SLC2A9: variants seen among roughly 807,000 people sequenced by gnomAD.
SLC2A9 encodes solute carrier family 2, facilitated glucose transporter member 9.
In SLC2A9, 39 loss-of-function variants were observed where a neutral mutation model predicts 50.6. The observed-to-expected ratio is 0.77, with a 90% CI of 0.60 to 1.01. The LOEUF is 1.01. Ranked by LOEUF, SLC2A9 falls within the 50% of genes least tolerant of loss-of-function variation. The pLI, the probability that SLC2A9 is intolerant of heterozygous loss-of-function variation, is 0.00. For synonymous variants in SLC2A9, 324 were observed against 276.9 expected (o/e 1.17, Z -1.69); for missense variants, 686 against 677.6 (o/e 1.01, Z -0.14).
chr4:10,008,194 A>G (rs2109400318), intron 2 of SLC2A9, among the ~76,000 whole-genome samples: 1 of 152,328 alleles, frequency 6.6e-6, no homozygotes, highest in Non-Finnish European at 1.5e-5. Flanking sequence ...TGGCTCAACA[A>G]AGGCATTTTT....
intron 11 of SLC2A9, among the ~76,000 whole-genome samples, chr4:9,829,471 C>A (rs930154106): frequency 3.6e-3 from 493 of 135,462 alleles, no homozygotes; most frequent in Non-Finnish European, 4.5e-3. Context: ...ACAAAAATGT[C>A]AAAAAAAAAA....
chr4:9,955,752 A>G (rs760579847), intron 5 of SLC2A9, among the ~76,000 whole-genome samples: 67 of 151,738 alleles, frequency 4.4e-4, no homozygotes, highest in Non-Finnish European at 8.2e-4. Flanking sequence ...GCTGCCGCGG[A>G]CACCTCTGTC....
intron 5 of SLC2A9, among the ~76,000 whole-genome samples, chr4:9,973,859 TAA>T (rs78910612): frequency 1.2e-3 from 170 of 141,124 alleles, no homozygotes; most frequent in African/African-American, 2.7e-3. Context: ...CTTAAAGTAT[TAA>T]AAAAAAAAAA....
At chr4:9,934,083 C>G (rs952011187) in intron 6 of SLC2A9, among the ~76,000 whole-genome samples, 1 of 152,156 alleles carries the variant, frequency 6.6e-6, no homozygotes, top group African/African-American at 2.4e-5. Context: ...ATCATGTAAC[C>G]TAACATATTC....
At position 9,851,273 on chromosome 4, in the gene SLC2A9, T is replaced by C. The variant is rs1469877790; in HGVS notation, c.1292-16265A>G. Among the ~76,000 whole-genome samples the C allele has an allele frequency of 9.2e-5, 14 of 152,098 alleles. 1 individual carries two copies. The highest frequency in any genetic ancestry group is 2.1e-4 in the Non-Finnish European group (14 of 68,016). On this transcript the variant is annotated intron_variant, in intron 10 of 11. Coordinates refer to ENST00000264784, the MANE Select transcript of SLC2A9 (RefSeq NM_020041.3). ...AACAAATCTAGGGGCCCAATGTCAG[T>C]CCCCCAGAGCCAGAGCATGAAACCC...
chr4:9,866,375 C>A (rs1258947956), intron 10 of SLC2A9, among the ~76,000 whole-genome samples: 3 of 152,120 alleles, frequency 2.0e-5, no homozygotes, highest in Non-Finnish European at 4.4e-5. Context: ...GAGATGAAGT[C>A]TGTCCTCTGA....
chr4:9,935,096 T>G (rs201429236), intron 6 of SLC2A9, among the ~76,000 whole-genome samples: 2 of 152,258 alleles, frequency 1.3e-5, no homozygotes, highest in East Asian at 3.8e-4. Flanking sequence ...TTTGCTATTG[T>G]AAACAGTGCT....
chr4:9,893,532 G>C (rs1344179791), intron 8 of SLC2A9, among the ~76,000 whole-genome samples: 1 of 145,236 alleles, frequency 6.9e-6, no homozygotes, highest in African/African-American at 2.5e-5. Context: ...CTGAGAAAGA[G>C]AGATAGGGGG....
At chr4:9,802,079 G>A (rs1721485257) in intron 3 of SLC2A9, among the ~76,000 whole-genome samples, 1 of 152,102 alleles carries the variant, frequency 6.6e-6, no homozygotes, top group Non-Finnish European at 1.5e-5. Flanking sequence ...GTGTGGCCTT[G>A]TTCCTGCTTC....
intron 6 of SLC2A9, among the ~76,000 whole-genome samples, chr4:9,941,194 T>C (rs961218215): frequency 6.6e-6 from 1 of 152,238 alleles, no homozygotes; most frequent in Non-Finnish European, 1.5e-5. Flanking sequence ...CTGCATTGTC[T>C]ATCTCTAGGC....
intron 7 of SLC2A9, among the ~76,000 whole-genome samples, chr4:9,918,473 C>T (rs1743311265): frequency 6.6e-6 from 1 of 152,144 alleles, no homozygotes; most frequent in African/African-American, 2.4e-5. Flanking sequence ...GGGACACAGC[C>T]TGAGTGACAT....
At chr4:9,871,501 A>T (rs2109505133) in intron 10 of SLC2A9, among the ~76,000 whole-genome samples, 1 of 152,234 alleles carries the variant, frequency 6.6e-6, no homozygotes, top group Non-Finnish European at 1.5e-5. Context: ...CTTTGATTCT[A>T]GATGCATCGC....
At chr4:9,889,138 A>G (rs533580064) in intron 9 of SLC2A9, among the ~76,000 whole-genome samples, 167 of 152,248 alleles carry the variant, frequency 1.1e-3, no homozygotes, top group African/African-American at 3.9e-3. Flanking sequence ...AGGAGAGAGC[A>G]CCTCACCCAG....
intron 7 of SLC2A9, among the ~76,000 whole-genome samples, chr4:9,914,380 C>T (rs536526759): frequency 6.6e-6 from 1 of 152,294 alleles, no homozygotes; most frequent in Non-Finnish European, 1.5e-5. Context: ...CATCCACAGC[C>T]CCAAGCAAAT....
chr4:10,008,546 C>T (rs1209023152), intron 2 of SLC2A9, among the ~76,000 whole-genome samples: 1 of 152,238 alleles, frequency 6.6e-6, no homozygotes, highest in African/African-American at 2.4e-5. Context: ...TGTTAAACAT[C>T]CTGGTGATGC....
At chr4:9,987,304 G>C (rs1467836007) in intron 3 of SLC2A9, among the ~76,000 whole-genome samples, 1 of 152,088 alleles carries the variant, frequency 6.6e-6, no homozygotes, top group Non-Finnish European at 1.5e-5. Context: ...ATTTTTAGTA[G>C]AGACGGGGTT....
At chr4:9,886,194 C>T (rs867081924) in intron 10 of SLC2A9, among the ~76,000 whole-genome samples, 49 of 152,338 alleles carry the variant, frequency 3.2e-4, no homozygotes, top group African/African-American at 1.0e-3. Flanking sequence ...GGTTTGCTCA[C>T]GCATGTCCCC....
chr4:9,896,178 A>G (rs1289427169), intron 8 of SLC2A9, among the ~76,000 whole-genome samples: 1 of 152,196 alleles, frequency 6.6e-6, no homozygotes, highest in Non-Finnish European at 1.5e-5. Context: ...AACTGCTAAA[A>G]TGTTATCTGA....
At chr4:9,830,756 G>C (rs1334053167) in intron 11 of SLC2A9, among the ~76,000 whole-genome samples, 2 of 152,218 alleles carry the variant, frequency 1.3e-5, no homozygotes, top group East Asian at 3.8e-4. Context: ...ACACTGGAGA[G>C]TGTTTTTCGC....
Sources: allele counts gnomAD v4.1 joint callset (sites outside exome capture counted in the v4.1 genomes callset), GRCh38; gene constraint gnomAD v4.1.1; transcripts MANE v1.5; gene names NCBI Gene and HGNC (gene_info 2026-07-23, HGNC 2026-07-21).